KCNIP4: variants seen among roughly 807,000 people sequenced by gnomAD.
KCNIP4 encodes Kv channel-interacting protein 4.
In KCNIP4, 12 loss-of-function variants were observed where a neutral mutation model predicts 34.0. The ratio of observed to expected loss-of-function variants is 0.35; its 90% CI spans 0.23 to 0.57. The LOEUF is 0.57. Ranked by LOEUF, KCNIP4 falls within the 20% of genes least tolerant of loss-of-function variation. KCNIP4 has a pLI of 0.83. For synonymous variants in KCNIP4, 124 were observed against 102.2 expected (o/e 1.21, Z -1.29); for missense variants, 238 against 311.7 (o/e 0.76, Z 1.78).
At position 21,508,952 on chromosome 4, in the gene KCNIP4, C is replaced by T. The variant is rs114892721; in HGVS notation, c.61+439619G>A. 6.4e-3 allele frequency among the ~76,000 whole-genome samples: 967 copies of T among 152,250 alleles called. 14 individuals carry two copies. Among genetic ancestry groups the T allele is most frequent in the African/African-American group, 0.021 (893 of 41,556 alleles). ...TATTCCTAACATGGACACCTTCTTGCTTCTGCTCCCTAACCCTCACTTTCC... is the reference window on the plus strand; with the variant it reads ...TATTCCTAACATGGACACCTTCTTGTTTCTGCTCCCTAACCCTCACTTTCC... On this transcript the variant is annotated intron_variant, in intron 1 of 8. Transcript: ENST00000382152.
intron 1 of KCNIP4, among the ~76,000 whole-genome samples, chr4:21,816,683 C>T (rs1722008054): frequency 6.6e-6 from 1 of 152,114 alleles, no homozygotes. Flanking sequence ...TTATGAGGAC[C>T]TGTGTTTGGT....
intron 1 of KCNIP4, among the ~76,000 whole-genome samples, chr4:21,583,156 T>A (rs531552239): frequency 1.3e-4 from 20 of 150,576 alleles, no homozygotes; most frequent in African/African-American, 4.9e-4. Flanking sequence ...ATCCATCATC[T>A]TAAAAAAATG....
chr4:21,481,726 G>C (rs1484413002), intron 1 of KCNIP4, among the ~76,000 whole-genome samples: 2 of 152,172 alleles, frequency 1.3e-5, no homozygotes, highest in Middle Eastern at 3.4e-3. Flanking sequence ...CACTATACGG[G>C]GCCACTTGTG....
chr4:21,068,654 C>T lies in KCNIP4; in HGVS notation c.62-185945G>A, dbSNP rs78473788. Among the ~76,000 whole-genome samples, 491 of 152,212 alleles carry T rather than the reference C, an allele frequency of 3.2e-3. 2 individuals carry two copies. The highest frequency in any genetic ancestry group is 0.011 in the African/African-American group (448 of 41,556). ...CATTTAGATTTTAGTTGATATCCCTCCTCTTCAATGAGGACTTTCATGGCC... is the reference window on the plus strand; with the variant it reads ...CATTTAGATTTTAGTTGATATCCCTTCTCTTCAATGAGGACTTTCATGGCC... On this transcript the variant is annotated intron_variant, in intron 1 of 8. Transcript: ENST00000382152.
intron 1 of KCNIP4, among the ~76,000 whole-genome samples, chr4:21,574,920 A>T (rs1740634979): frequency 1.3e-5 from 2 of 152,200 alleles, no homozygotes; most frequent in South Asian, 4.1e-4. Flanking sequence ...ACTTTCTCCA[A>T]ATCTATTTTA....
chr4:21,293,013 G>A (rs904049102), intron 1 of KCNIP4, among the ~76,000 whole-genome samples: 1 of 152,154 alleles, frequency 6.6e-6, no homozygotes, highest in Non-Finnish European at 1.5e-5. Context: ...CGGGGAGGAG[G>A]ACAAGCATCA....
chr4:21,451,848 G>C (rs1728531935), intron 1 of KCNIP4, among the ~76,000 whole-genome samples: 1 of 152,032 alleles, frequency 6.6e-6, no homozygotes, highest in Non-Finnish European at 1.5e-5. Flanking sequence ...CCATTTTCAA[G>C]CCCAAAGTCA....
chr4:20,888,329 C>T (rs1725542219), intron 1 of KCNIP4, among the ~76,000 whole-genome samples: 1 of 152,076 alleles, frequency 6.6e-6, no homozygotes, highest in East Asian at 1.9e-4. Context: ...TGTTCAATCA[C>T]TATCTACTGA....
intron 1 of KCNIP4, among the ~76,000 whole-genome samples, chr4:21,630,919 G>T (rs1013740041): frequency 1.3e-5 from 2 of 152,122 alleles, no homozygotes; most frequent in African/African-American, 4.8e-5. Flanking sequence ...ATCCCATGTT[G>T]TGTCTTGAAC....
intron 1 of KCNIP4, among the ~76,000 whole-genome samples, chr4:21,461,173 C>T (rs1442314026): frequency 2.6e-5 from 4 of 151,934 alleles, no homozygotes; most frequent in African/African-American, 4.8e-5. Context: ...CCTGAGTTCT[C>T]ATGAGATCTG....
intron 1 of KCNIP4, among the ~76,000 whole-genome samples, chr4:20,975,345 C>A: frequency 6.6e-6 from 1 of 152,120 alleles, no homozygotes; most frequent in East Asian, 1.9e-4. Flanking sequence ...TTTAACAAAT[C>A]TATGAAATAA....
At chr4:20,990,090 G>A (rs1382132056) in intron 1 of KCNIP4, among the ~76,000 whole-genome samples, 3 of 152,170 alleles carry the variant, frequency 2.0e-5, no homozygotes, top group Non-Finnish European at 4.4e-5. Context: ...GGACTTGATG[G>A]GGCAAGTAAC....
chr4:21,266,312 T>A (rs1381979442), intron 1 of KCNIP4, among the ~76,000 whole-genome samples: 1 of 152,180 alleles, frequency 6.6e-6, no homozygotes, highest in Non-Finnish European at 1.5e-5. Context: ...ATTATCCTTC[T>A]CACTTTTCAT....
intron 1 of KCNIP4, among the ~76,000 whole-genome samples, chr4:21,026,003 AAG>A (rs756572332): frequency 2.0e-5 from 3 of 152,222 alleles, no homozygotes; most frequent in Non-Finnish European, 2.9e-5. Flanking sequence ...TTCTAAGAGA[AAG>A]AGAGAAATAT....
intron 1 of KCNIP4, among the ~76,000 whole-genome samples, chr4:21,794,576 T>G (rs1267943231): frequency 6.6e-6 from 1 of 152,034 alleles, no homozygotes; most frequent in Non-Finnish European, 1.5e-5. Context: ...GCTCAGAGAA[T>G]CTGAGACCCT....
chr4:21,816,200 A>G (rs1415047255), intron 1 of KCNIP4, among the ~76,000 whole-genome samples: 1 of 152,208 alleles, frequency 6.6e-6, no homozygotes, highest in African/African-American at 2.4e-5. Flanking sequence ...AAGAAGGGAC[A>G]CTGCAAAAAT....
intron 1 of KCNIP4, among the ~76,000 whole-genome samples, chr4:21,910,416 T>G (rs1325203583): frequency 6.6e-6 from 1 of 152,132 alleles, no homozygotes; most frequent in Non-Finnish European, 1.5e-5. Context: ...CTTTTCAAGG[T>G]CATCAGAAAA....
intron 1 of KCNIP4, among the ~76,000 whole-genome samples, chr4:21,117,678 G>A (rs1477872632): frequency 6.6e-6 from 1 of 152,108 alleles, no homozygotes; most frequent in Non-Finnish European, 1.5e-5. Context: ...TGGGGAAGCT[G>A]CAGAGCGCAT....
At chr4:21,534,903 A>T (rs1737021095) in intron 1 of KCNIP4, among the ~76,000 whole-genome samples, 1 of 152,106 alleles carries the variant, frequency 6.6e-6, no homozygotes, top group Non-Finnish European at 1.5e-5. Flanking sequence ...GCTTTGAAAC[A>T]TGATGCTGTC....
Sources: gnomAD v4.1 joint callset for allele counts (sites outside exome capture counted in the v4.1 genomes callset) on GRCh38, gnomAD v4.1.1 for gene constraint, MANE v1.5 for transcripts, NCBI Gene and HGNC (gene_info 2026-07-23, HGNC 2026-07-21) for gene names.